CFAP299: variants seen among roughly 807,000 people sequenced by gnomAD.
The protein encoded by CFAP299 is cilia- and flagella-associated protein 299.
In CFAP299, 21 loss-of-function variants were observed where a neutral mutation model predicts 27.0. That is an observed-to-expected ratio of 0.78 (90% CI 0.55 to 1.12). The LOEUF is 1.12. Ranked by LOEUF, CFAP299 falls within the 50% of genes most tolerant of loss-of-function variation. The pLI is 0.00. For missense variants in CFAP299, 310 were observed against 276.6 expected (o/e 1.12, Z -0.86); for synonymous variants, 104 against 98.1 (o/e 1.06, Z -0.36).
At chr4:80,937,455 TAC>T (rs777698050) in intron 4 of CFAP299, among the ~76,000 whole-genome samples, 14 of 151,656 alleles carry the variant, frequency 9.2e-5, no homozygotes, top group Non-Finnish European at 2.1e-4. Context: ...TTTCTGGGGC[TAC>T]AGTTGTACAC....
chr4:80,580,021 A>G (rs1018605274), intron 2 of CFAP299, among the ~76,000 whole-genome samples: 11 of 152,246 alleles, frequency 7.2e-5, no homozygotes, highest in Middle Eastern at 3.4e-3. Flanking sequence ...GGAATTCTGT[A>G]GTACCCTAAC....
At chr4:80,419,690 A>G (rs1325342946) in intron 2 of CFAP299, among the ~76,000 whole-genome samples, 2 of 152,052 alleles carry the variant, frequency 1.3e-5, no homozygotes, top group African/African-American at 4.8e-5. Flanking sequence ...TGCCCTGTTC[A>G]TGCCTGACTA....
At chr4:80,742,210 G>A (rs1302305643) in intron 3 of CFAP299, among the ~76,000 whole-genome samples, 2 of 152,122 alleles carry the variant, frequency 1.3e-5, no homozygotes, top group Non-Finnish European at 2.9e-5. Context: ...TCTGTGTGCA[G>A]ATACTTGTTA....
At chr4:80,648,995 T>C (rs902678216) in intron 3 of CFAP299, 70 of 152,172 alleles carry the variant, frequency 4.6e-4, no homozygotes, top group African/African-American at 1.5e-3. Flanking sequence ...ATGGTGAGTT[T>C]ACTTCTCACT....
At chr4:80,505,155 A>G (rs1156683688) in intron 2 of CFAP299, among the ~76,000 whole-genome samples, 1 of 151,516 alleles carries the variant, frequency 6.6e-6, no homozygotes, top group Non-Finnish European at 1.5e-5. Flanking sequence ...TAAATGATAC[A>G]TATAAAATAG....
intron 3 of CFAP299, among the ~76,000 whole-genome samples, chr4:80,753,938 A>G (rs1167910692): frequency 2.6e-5 from 4 of 152,146 alleles, no homozygotes; most frequent in South Asian, 4.1e-4. Flanking sequence ...TAACACATTA[A>G]TCATAGAAAT....
chr4:80,849,615 T>C lies in CFAP299; in HGVS notation c.334-20378T>C, dbSNP rs138943380. Among the ~76,000 whole-genome samples, 694 of 152,174 alleles carry C rather than the reference T, an allele frequency of 4.6e-3. 4 individuals are homozygous for C. The highest frequency in any genetic ancestry group is 0.016 in the African/African-American group (673 of 41,516). On this transcript the variant is annotated intron_variant, in intron 3 of 5. Transcript: ENST00000358105. The stretch of plus-strand genomic sequence containing the variant: ...TTTGAGGGGATTAGTGATAGGTACA[T>C]AGAAAATCAAGAGAGTAAGCCTGAT...
At chr4:80,521,043 A>C in intron 2 of CFAP299, among the ~76,000 whole-genome samples, 1 of 152,278 alleles carries the variant, frequency 6.6e-6, no homozygotes, top group Admixed American at 6.5e-5. Context: ...AATAGAGGAA[A>C]CTTTTGCGAT....
At chr4:80,547,880 T>G (rs1325045982) in intron 2 of CFAP299, among the ~76,000 whole-genome samples, 1 of 151,998 alleles carries the variant, frequency 6.6e-6, no homozygotes, top group East Asian at 1.9e-4. Context: ...AAAAACAAGA[T>G]TTTGGCAAGG....
chr4:80,446,490 A>T (rs546065125), intron 2 of CFAP299, among the ~76,000 whole-genome samples: 1 of 152,338 alleles, frequency 6.6e-6, no homozygotes, highest in African/African-American at 2.4e-5. Context: ...ACCACATCTA[A>T]TTGACAGCTT....
intron 3 of CFAP299, among the ~76,000 whole-genome samples, chr4:80,722,459 T>C (rs1722883386): frequency 6.6e-6 from 1 of 150,724 alleles, no homozygotes; most frequent in South Asian, 2.1e-4. Flanking sequence ...ACCTGATAAA[T>C]TGGACTTTAT....
At chr4:80,497,952 C>T (rs1731544929) in intron 2 of CFAP299, among the ~76,000 whole-genome samples, 1 of 152,102 alleles carries the variant, frequency 6.6e-6, no homozygotes, top group Non-Finnish European at 1.5e-5. Context: ...AGATACAAAG[C>T]CATACACCTA....
At chr4:80,956,580 C>T (rs116267499) in intron 5 of CFAP299, among the ~76,000 whole-genome samples, 3,177 of 152,036 alleles carry the variant, frequency 0.021, 124 homozygotes, top group African/African-American at 0.072. Flanking sequence ...TAGCCTCTGG[C>T]GTAGCTGGGA....
At chr4:80,328,938 CT>C in the CFAP299 span, among the ~76,000 whole-genome samples, 30 of 152,072 alleles carry the variant, frequency 2.0e-4, no homozygotes, top group African/African-American at 5.8e-4. Context: ...ATAGAATCAA[CT>C]TTTTTCTCAT....
At chr4:80,797,265 C>A (rs1162375806) in intron 3 of CFAP299, among the ~76,000 whole-genome samples, 1 of 152,110 alleles carries the variant, frequency 6.6e-6, no homozygotes, top group East Asian at 1.9e-4. Context: ...CAAGGGGACC[C>A]AGCTTCCACT....
At chr4:80,437,404 T>G (rs1164832037) in intron 2 of CFAP299, among the ~76,000 whole-genome samples, 4 of 152,050 alleles carry the variant, frequency 2.6e-5, no homozygotes, top group Non-Finnish European at 5.9e-5. Context: ...GAGATGAAGG[T>G]CAATTTATTA....
At chr4:80,791,843 T>A (rs1021027275) in intron 3 of CFAP299, among the ~76,000 whole-genome samples, 13 of 151,698 alleles carry the variant, frequency 8.6e-5, no homozygotes, top group African/African-American at 3.1e-4. Flanking sequence ...TTGACAGATA[T>A]ATATATATAT....
At chr4:80,398,769 C>T (rs555141246) in intron 2 of CFAP299, among the ~76,000 whole-genome samples, 1 of 152,262 alleles carries the variant, frequency 6.6e-6, no homozygotes, top group Admixed American at 6.5e-5. Context: ...CCATTCAGAA[C>T]ATAGGCATGG....
chr4:80,857,224 A>G (rs1410679597), intron 3 of CFAP299, among the ~76,000 whole-genome samples: 1 of 152,148 alleles, frequency 6.6e-6, no homozygotes, highest in Non-Finnish European at 1.5e-5. Context: ...TTGGTATATA[A>G]GAATGCTTGT....
Sources: gnomAD v4.1 joint callset for allele counts (sites outside exome capture counted in the v4.1 genomes callset) on GRCh38, gnomAD v4.1.1 for gene constraint, MANE v1.5 for transcripts, NCBI Gene and HGNC (gene_info 2026-07-23, HGNC 2026-07-21) for gene names.